CACNB4: variants seen among roughly 807,000 people sequenced by gnomAD.
CACNB4 encodes the protein voltage-dependent L-type calcium channel subunit beta-4.
CACNB4 carries 32 observed loss-of-function variants against 71.2 expected under a neutral mutation model. That is an observed-to-expected ratio of 0.45 (90% CI 0.34 to 0.60). CACNB4 has a LOEUF of 0.60. Ranked by LOEUF, CACNB4 falls within the 20% of genes least tolerant of loss-of-function variation. The pLI is 0.01. For synonymous variants in CACNB4, 231 were observed against 236.9 expected (o/e 0.97, Z 0.23); for missense variants, 464 against 647.9 (o/e 0.72, Z 3.08).
intron 2 of CACNB4, among the ~76,000 whole-genome samples, chr2:152,047,058 A>G (rs1579195926): frequency 6.6e-6 from 1 of 152,196 alleles, no homozygotes; most frequent in South Asian, 2.1e-4. Context: ...AATTCTGGGT[A>G]CCTAGCTAGC....
intron 2 of CACNB4, among the ~76,000 whole-genome samples, chr2:152,002,264 AAC>A (rs202194307): frequency 6.6e-6 from 1 of 152,120 alleles, no homozygotes; most frequent in Non-Finnish European, 1.5e-5. Context: ...TCTTACTTGA[AAC>A]ACACACACAC....
intron 2 of CACNB4, among the ~76,000 whole-genome samples, chr2:151,980,322 T>A (rs767913459): frequency 7.9e-5 from 12 of 152,130 alleles, no homozygotes; most frequent in Non-Finnish European, 1.8e-4. Flanking sequence ...CTGACAGCCC[T>A]CATTTTGCAA....
At position 151,900,300 on chromosome 2, in the gene CACNB4, G is replaced by A. The variant is rs143134461; in HGVS notation, c.148-16930C>T. Among the ~76,000 whole-genome samples the A allele has an allele frequency of 4.5e-3, 690 of 152,304 alleles. 6 individuals carry two copies. The highest frequency in any genetic ancestry group is 0.016 in the African/African-American group (653 of 41,558). On this transcript the variant is annotated intron_variant, in intron 2 of 13. Coordinates refer to ENST00000539935, the MANE Select transcript of CACNB4 (RefSeq NM_000726.5). ...AACTATGTCATTTAAAAAAAGAAAC[G>A]AAGGTTACTGACTTTGGAGTTGCAA...
intron 2 of CACNB4, among the ~76,000 whole-genome samples, chr2:151,947,441 CA>C (rs2099865858): frequency 1.3e-5 from 2 of 152,228 alleles, no homozygotes; most frequent in Admixed American, 1.3e-4. Context: ...TTTCCCTAGG[CA>C]GGGGGAGTGG....
At chr2:151,947,672 G>A (rs896861256) in intron 2 of CACNB4, among the ~76,000 whole-genome samples, 3 of 152,124 alleles carry the variant, frequency 2.0e-5, no homozygotes, top group East Asian at 1.9e-4. Context: ...GAGGTCGTCC[G>A]GGTCTGGCAG....
intron 8 of CACNB4, chr2:151,869,803 C>CATTT (rs1315188529): frequency 5.4e-6 from 1 of 185,102 alleles, no homozygotes; most frequent in African/African-American, 2.4e-5. Context: ...GAAAGCGATT[C>CATTT]ATTAATTCAT....
At chr2:152,083,587 A>G (rs12053241) in intron 2 of CACNB4, among the ~76,000 whole-genome samples, 151,325 of 152,310 alleles carry the variant, frequency 0.99, 75,186 homozygotes, top group Middle Eastern at 1. Flanking sequence ...AGAAAGAGTA[A>G]AGCTGCTGAT....
intron 2 of CACNB4, among the ~76,000 whole-genome samples, chr2:151,948,236 A>G (rs2099866064): frequency 6.6e-6 from 1 of 152,228 alleles, no homozygotes; most frequent in South Asian, 2.1e-4. Flanking sequence ...AGCTGCAATC[A>G]AAAGGCAGTG....
chr2:151,861,850 A>AG (rs1352112711), intron 9 of CACNB4: 2 of 151,612 alleles, frequency 1.3e-5, no homozygotes, highest in African/African-American at 2.4e-5. Context: ...CTCAAAAAAA[A>AG]AAAAAAAACT....
intron 8 of CACNB4, chr2:151,870,170 T>A (rs1332158256): frequency 3.1e-6 from 2 of 647,458 alleles, no homozygotes; most frequent in East Asian, 2.7e-5. Flanking sequence ...AGATTGATTG[T>A]TTGTCCTCTT....
At chr2:152,035,655 A>G (rs371126515) in intron 2 of CACNB4, among the ~76,000 whole-genome samples, 1 of 40,040 alleles carries the variant, frequency 2.5e-5, no homozygotes, top group African/African-American at 5.9e-5. Context: ...CTCTCTCTAT[A>G]TATATATATA....
intron 2 of CACNB4, among the ~76,000 whole-genome samples, chr2:151,958,023 G>A (rs1010415307): frequency 6.6e-6 from 1 of 152,140 alleles, no homozygotes; most frequent in Non-Finnish European, 1.5e-5. Flanking sequence ...ATATTAGTGG[G>A]CTACTGGGTG....
chr2:151,960,626 T>C (rs955623618), intron 2 of CACNB4, among the ~76,000 whole-genome samples: 1 of 152,130 alleles, frequency 6.6e-6, no homozygotes, highest in Admixed American at 6.5e-5. Context: ...TCTTACCATA[T>C]CCCAGTGATG....
chr2:152,091,679 G>T (rs1687982101), intron 2 of CACNB4, among the ~76,000 whole-genome samples: 1 of 152,014 alleles, frequency 6.6e-6, no homozygotes, highest in African/African-American at 2.4e-5. Flanking sequence ...CCCCTCCTTG[G>T]CTGTTTCCCT....
At chr2:151,958,956 G>A (rs1258646385) in intron 2 of CACNB4, among the ~76,000 whole-genome samples, 1 of 152,200 alleles carries the variant, frequency 6.6e-6, no homozygotes, top group Non-Finnish European at 1.5e-5. Context: ...ATTTTTAAAT[G>A]TAGGTACAAA....
chr2:151,891,543 T>C (rs1232913019), intron 2 of CACNB4, among the ~76,000 whole-genome samples: 2 of 152,200 alleles, frequency 1.3e-5, no homozygotes, highest in African/African-American at 4.8e-5. Flanking sequence ...AAAACAAAGA[T>C]TACTTGATAT....
intron 5 of CACNB4, 46 bp downstream of exon 5, chr2:151,876,380 C>A: frequency 6.4e-7 from 1 of 1,555,322 alleles, no homozygotes; most frequent in East Asian, 2.3e-5. Flanking sequence ...AAATATCACC[C>A]AATTTTCTGA....
intron 2 of CACNB4, among the ~76,000 whole-genome samples, chr2:152,026,395 T>C (rs992622280): frequency 6.6e-6 from 1 of 151,260 alleles, no homozygotes; most frequent in African/African-American, 2.4e-5. Flanking sequence ...TTTTTTTTCT[T>C]CTTCTTTGAG....
chr2:151,984,580 A>G (rs969986786), intron 2 of CACNB4, among the ~76,000 whole-genome samples: 5 of 152,164 alleles, frequency 3.3e-5, no homozygotes. Context: ...GGAGAAGAAC[A>G]AAAGGCCTAG....
Sources: gnomAD v4.1 joint callset for allele counts (sites outside exome capture counted in the v4.1 genomes callset) on GRCh38, gnomAD v4.1.1 for gene constraint, MANE v1.5 for transcripts, NCBI Gene and HGNC (gene_info 2026-07-23, HGNC 2026-07-21) for gene names.